SEMA5B: variants seen among roughly 807,000 people sequenced by gnomAD.
SEMA5B encodes the protein semaphorin-5B.
In SEMA5B, 66 loss-of-function variants were observed where a neutral mutation model predicts 135.0. The observed-to-expected ratio is 0.49, with a 90% CI of 0.40 to 0.60. The LOEUF (loss-of-function observed/expected upper bound fraction) is 0.60, where lower values mean the gene tolerates loss of function less well. Among genes scored for constraint, SEMA5B ranks in the 20% least tolerant of loss-of-function variants. The probability of loss-of-function intolerance (pLI) is 0.00; values close to 1 mark genes in which losing one functional copy is unlikely to be tolerated. For synonymous variants in SEMA5B, 690 were observed against 639.5 expected, an observed-to-expected ratio of 1.08 and a Z score of -1.19; for missense variants, 1,501 against 1,566.3, an observed-to-expected ratio of 0.96 and a Z score of 0.70.
chr3:122,973,447 G>A (rs904584717), intron 1 of SEMA5B, among the ~76,000 whole-genome samples: 16 of 152,162 alleles, frequency 1.1e-4, no homozygotes, highest in African/African-American at 3.9e-4. Flanking sequence ...GGAGGGTGCC[G>A]CAGTCTGCTC....
intron 2 of SEMA5B, among the ~76,000 whole-genome samples, chr3:122,958,505 G>A (rs966021400): frequency 2.0e-5 from 3 of 152,188 alleles, no homozygotes; most frequent in African/African-American, 7.2e-5. Flanking sequence ...TTCTCCGTGG[G>A]GGTGGTGAAG....
At chr3:122,915,704 T>C in intron 13 of SEMA5B, 69 bp downstream of exon 13, 1 of 1,602,622 alleles carries the variant, frequency 6.2e-7, no homozygotes. Context: ...ATTGGGGGAA[T>C]ATTGGTGGGG....
At chr3:122,939,707 A>C (rs1269797465) in intron 4 of SEMA5B, among the ~76,000 whole-genome samples, 1 of 152,204 alleles carries the variant, frequency 6.6e-6, no homozygotes, top group Non-Finnish European at 1.5e-5. Flanking sequence ...GGCCCAAGTC[A>C]CCAAGATAGT....
At chr3:122,976,971 A>G (rs1941347351) in intron 1 of SEMA5B, among the ~76,000 whole-genome samples, 1 of 152,190 alleles carries the variant, frequency 6.6e-6, no homozygotes, top group Non-Finnish European at 1.5e-5. Flanking sequence ...AATCACTTGA[A>G]CCGGGGAGGT....
chr3:123,016,019 G>C (rs953336121), intron 1 of SEMA5B, among the ~76,000 whole-genome samples: 4 of 152,200 alleles, frequency 2.6e-5, no homozygotes, highest in Non-Finnish European at 4.4e-5. Context: ...GTGAGACCCA[G>C]GTCCACTGGA....
rs749560549 is a variant in SEMA5B, at chr3:122,915,638, G to A, written c.1807-17C>T. 5.6e-6 allele frequency: 9 copies of A among 1,606,410 alleles called. No individual in the cohort carries two copies. The highest frequency in any genetic ancestry group is 7.7e-6 in the Non-Finnish European group (9 of 1,174,400). On this transcript the variant is annotated splice_polypyrimidine_tract_variant and intron_variant, in intron 13 of 22. Coordinates refer to ENST00000357599, the MANE Select transcript of SEMA5B (RefSeq NM_001031702.4). ...ATTCCGCACCTGAAGACACACATGG[G>A]AGACAGTACCCCTATTACCCAAGCC...
At chr3:122,956,988 C>T (rs1324104257) in intron 2 of SEMA5B, among the ~76,000 whole-genome samples, 5 of 152,168 alleles carry the variant, frequency 3.3e-5, no homozygotes, top group Non-Finnish European at 5.9e-5. Flanking sequence ...AGACAGAGGG[C>T]ACAGCAGGGG....
At chr3:123,008,760 C>T (rs531458784) in intron 1 of SEMA5B, among the ~76,000 whole-genome samples, 3 of 152,232 alleles carry the variant, frequency 2.0e-5, no homozygotes. Context: ...CCAAATTGGG[C>T]CCATTTGAAG....
In SEMA5B at chr3:122,926,535, C is replaced by T; in HGVS notation, c.993G>A (p.Leu331=). Residue 331 remains leucine, a synonymous_variant, in exon 9 of 23, where the codon CTG becomes CTA. Transcript: ENST00000357599. ...TGAATGTGGTCCATGTGTCCTCCAG[C>T]AGGAATCGGCCCCCCACGTCATTCT... ...VCKNDVGGRF[L]LEDTWTTFMK... The T allele has an allele frequency of 6.2e-7, 1 of 1,614,262 alleles. No individual in the cohort carries two copies. Among genetic ancestry groups the T allele is most frequent in the Non-Finnish European group, 8.5e-7 (1 of 1,180,048 alleles).
At chr3:122,931,026 T>A (rs1938944319) in intron 5 of SEMA5B, among the ~76,000 whole-genome samples, 1 of 151,308 alleles carries the variant, frequency 6.6e-6, no homozygotes, top group East Asian at 1.9e-4. Flanking sequence ...ATGGCTTTTT[T>A]GAGACCATTT....
chr3:122,961,538 C>A (rs916254891), intron 1 of SEMA5B, among the ~76,000 whole-genome samples: 8 of 151,898 alleles, frequency 5.3e-5, no homozygotes, highest in Admixed American at 4.6e-4. Context: ...CAGCTCATTG[C>A]AGTCTTGACC....
intron 1 of SEMA5B, among the ~76,000 whole-genome samples, chr3:123,014,462 G>T (rs1942506812): frequency 1.3e-5 from 2 of 152,236 alleles, no homozygotes. Context: ...AAATCATTGT[G>T]TATAAGCTAG....
chr3:123,014,829 C>A (rs1387770527), intron 1 of SEMA5B, among the ~76,000 whole-genome samples: 3 of 152,182 alleles, frequency 2.0e-5, no homozygotes, highest in Non-Finnish European at 4.4e-5. Flanking sequence ...CGTGTCCCCC[C>A]ACAAAGCTCA....
rs376029166 is a variant in SEMA5B, at chr3:122,922,134, G to A, written c.1481-12C>T. 7.2e-6 allele frequency: 11 copies of A among 1,526,668 alleles called. No homozygotes were observed. In the African/African-American group the frequency reaches 1.5e-4, roughly 21 times the overall value. 94.6% of individuals were successfully genotyped at this position (1,526,668 alleles called of 1,614,324 possible). On this transcript the variant is annotated splice_polypyrimidine_tract_variant and intron_variant, in intron 11 of 22. Coordinates refer to ENST00000357599, the MANE Select transcript of SEMA5B (RefSeq NM_001031702.4). ...GATGGTGCCCGACTCTGGAGGAGAGGGGGAGCCAGACCAAGGTGGCCTTGA... is the reference window on the plus strand; with the variant it reads ...GATGGTGCCCGACTCTGGAGGAGAGAGGGAGCCAGACCAAGGTGGCCTTGA...
At chr3:122,932,349 G>T (rs1052798474) in intron 5 of SEMA5B, among the ~76,000 whole-genome samples, 1 of 145,578 alleles carries the variant, frequency 6.9e-6, no homozygotes, top group Non-Finnish European at 1.5e-5. Context: ...AACCTCCTGG[G>T]TGTTAGTCCA....
Position 123,001,978 on chromosome 3 carries a change from G to A in SEMA5B, c.-39+25486C>T, listed in dbSNP as rs111268235. 2.9e-3 allele frequency among the ~76,000 whole-genome samples: 435 copies of A among 152,292 alleles called. 4 individuals carry two copies. The highest frequency in any genetic ancestry group is 0.01 in the African/African-American group (416 of 41,566). On this transcript the variant is annotated intron_variant, in intron 1 of 22. Coordinates refer to ENST00000357599, the MANE Select transcript of SEMA5B (RefSeq NM_001031702.4). ...CATATTTGAAACAATGTCAAAATAA[G>A]TGTTCTCCACAACCATTTCCATAGG...
chr3:123,013,031 G>A (rs1334220305), intron 1 of SEMA5B, among the ~76,000 whole-genome samples: 1 of 152,182 alleles, frequency 6.6e-6, no homozygotes, highest in Non-Finnish European at 1.5e-5. Context: ...TTCAGTGCAG[G>A]GTCCTGCATA....
intron 1 of SEMA5B, among the ~76,000 whole-genome samples, chr3:123,006,186 T>C (rs1019558138): frequency 3.3e-5 from 5 of 152,342 alleles, no homozygotes; most frequent in Admixed American, 2.0e-4. Context: ...GCGTCTCCAA[T>C]GTCTGGTGTT....
intron 1 of SEMA5B, among the ~76,000 whole-genome samples, chr3:122,962,942 C>T (rs1940649733): frequency 6.6e-6 from 1 of 152,144 alleles, no homozygotes; most frequent in Admixed American, 6.5e-5. Context: ...CAATGGGTGG[C>T]TACAGGTCCG....
Sources: allele counts gnomAD v4.1 joint callset (sites outside exome capture counted in the v4.1 genomes callset), GRCh38; gene constraint gnomAD v4.1.1; transcripts MANE v1.5; gene names NCBI Gene and HGNC (gene_info 2026-07-23, HGNC 2026-07-21).